Variants in NTRK3 observed in about 807,000 individuals in gnomAD.
NTRK3 encodes the protein NT-3 growth factor receptor.
Under a neutral mutation model 91.7 loss-of-function variants are expected in NTRK3, and 24 were observed. The ratio of observed to expected loss-of-function variants is 0.26; its 90% CI spans 0.19 to 0.37. The LOEUF is 0.37. Ranked by LOEUF, NTRK3 falls within the 10% of genes least tolerant of loss-of-function variation. The pLI, the probability that NTRK3 is intolerant of heterozygous loss-of-function variation, is 1.00. For missense variants in NTRK3, 880 were observed against 1,068.9 expected (o/e 0.82, Z 2.46); for synonymous variants, 483 against 404.0 (o/e 1.20, Z -2.34).
At chr15:88,088,541 A>G (rs1354733389) in intron 13 of NTRK3, among the ~76,000 whole-genome samples, 2 of 152,204 alleles carry the variant, frequency 1.3e-5, no homozygotes, top group African/African-American at 4.8e-5. Flanking sequence ...TTGTAACAGT[A>G]ATGTAATATA....
At chr15:88,060,857 G>C (rs1258526706) in intron 13 of NTRK3, among the ~76,000 whole-genome samples, 1 of 152,064 alleles carries the variant, frequency 6.6e-6, no homozygotes, top group African/African-American at 2.4e-5. Context: ...TTAGCCATTG[G>C]TATCATCTTA....
chr15:87,872,085 G>C (rs751004176), exon 19 of NTRK3: 6 of 221,554 alleles, frequency 2.7e-5, no homozygotes, highest in Non-Finnish European at 5.4e-5. Flanking sequence ...TTCTCTCTAA[G>C]GCAAATGCCC....
intron 13 of NTRK3, among the ~76,000 whole-genome samples, chr15:88,069,874 A>G (rs1168294964): frequency 6.6e-6 from 1 of 152,154 alleles, no homozygotes; most frequent in Non-Finnish European, 1.5e-5. Flanking sequence ...ACAGCCCAGA[A>G]ATACAAGGTG....
intron 17 of NTRK3, among the ~76,000 whole-genome samples, chr15:87,904,553 G>A (rs1260584378): frequency 6.6e-6 from 1 of 152,074 alleles, no homozygotes; most frequent in Non-Finnish European, 1.5e-5. Flanking sequence ...TGTAAAGGAT[G>A]CATCTATGAC....
At chr15:87,994,780 G>A (rs1003065836) in intron 14 of NTRK3, among the ~76,000 whole-genome samples, 3 of 152,192 alleles carry the variant, frequency 2.0e-5, no homozygotes, top group Admixed American at 1.3e-4. Context: ...TTAGGAACAC[G>A]ATGTTGCAGG....
intron 3 of NTRK3, among the ~76,000 whole-genome samples, chr15:88,214,227 G>A (rs1333626925): frequency 1.3e-5 from 2 of 152,176 alleles, no homozygotes; most frequent in African/African-American, 4.8e-5. Flanking sequence ...CTGGAGGCTG[G>A]AAGTCAGAAA....
chr15:87,973,585 C>G (rs1157464346), intron 14 of NTRK3, among the ~76,000 whole-genome samples: 1 of 152,090 alleles, frequency 6.6e-6, no homozygotes, highest in Non-Finnish European at 1.5e-5. Context: ...CCAGAGCTAT[C>G]CAAGGAATCT....
At position 88,123,548 on chromosome 15, in the gene NTRK3, G is replaced by A. The variant is rs57138943; in HGVS notation, c.1396+2723C>T. On this transcript the variant is annotated intron_variant, in intron 13 of 18. Coordinates refer to ENST00000394480, the Ensembl canonical transcript of NTRK3. ...TAAAATAATTGAAGAGATTTATTCC[G>A]AGCCAAATATGAGTGACCAATGGCC... Among the ~76,000 whole-genome samples, 806 of 152,286 alleles carry A rather than the reference G, an allele frequency of 5.3e-3. 8 individuals are homozygous for A. The highest frequency in any genetic ancestry group is 0.019 in the African/African-American group (786 of 41,548).
intron 5 of NTRK3, among the ~76,000 whole-genome samples, chr15:88,178,594 G>A (rs540310528): frequency 6.6e-6 from 1 of 152,200 alleles, no homozygotes; most frequent in Non-Finnish European, 1.5e-5. Context: ...TTTTGGAAAA[G>A]AGCAAGAAAT....
At chr15:88,229,910 C>A (rs1235214232) in intron 3 of NTRK3, among the ~76,000 whole-genome samples, 6 of 152,234 alleles carry the variant, frequency 3.9e-5, no homozygotes, top group Non-Finnish European at 5.9e-5. Flanking sequence ...AAAATCTAAC[C>A]AAGTCACAAT....
intron 13 of NTRK3, among the ~76,000 whole-genome samples, chr15:88,120,191 T>G (rs1230567569): frequency 6.6e-6 from 1 of 152,182 alleles, no homozygotes; most frequent in Non-Finnish European, 1.5e-5. Flanking sequence ...ATAACAAGAA[T>G]GTTCAATGTG....
chr15:87,897,541 C>T (rs1011185916), intron 17 of NTRK3, among the ~76,000 whole-genome samples: 3 of 152,122 alleles, frequency 2.0e-5, no homozygotes, highest in African/African-American at 7.2e-5. Context: ...AGCTGGAGGT[C>T]TCAACCAAGC....
intron 17 of NTRK3, among the ~76,000 whole-genome samples, chr15:87,883,744 T>A (rs1374523882): frequency 6.6e-6 from 1 of 151,186 alleles, no homozygotes; most frequent in Admixed American, 6.6e-5. Flanking sequence ...GTATCAAATA[T>A]AATAAAATAA....
chr15:87,936,899 A>G (rs1390472307), intron 15 of NTRK3, among the ~76,000 whole-genome samples: 1 of 152,132 alleles, frequency 6.6e-6, no homozygotes, highest in African/African-American at 2.4e-5. Flanking sequence ...GTAGTATAAA[A>G]TCCAAACTCC....
chr15:88,176,652 A>G (rs1220746281), intron 5 of NTRK3, among the ~76,000 whole-genome samples: 1 of 152,198 alleles, frequency 6.6e-6, no homozygotes, highest in Non-Finnish European at 1.5e-5. Flanking sequence ...CCTTCTTGTC[A>G]TCCAGAAAAT....
At chr15:88,081,526 G>A (rs530828280) in intron 13 of NTRK3, among the ~76,000 whole-genome samples, 1 of 152,312 alleles carries the variant, frequency 6.6e-6, no homozygotes, top group Non-Finnish European at 1.5e-5. Flanking sequence ...ACAGGCATGG[G>A]CCCTTTCTGG....
At chr15:87,921,208 C>T (rs984561816) in intron 17 of NTRK3, among the ~76,000 whole-genome samples, 3 of 152,088 alleles carry the variant, frequency 2.0e-5, no homozygotes, top group Admixed American at 6.5e-5. Context: ...ATAAATAGGA[C>T]GATGGTTAAA....
At chr15:88,056,493 G>A (rs1046079912) in intron 13 of NTRK3, among the ~76,000 whole-genome samples, 1 of 152,054 alleles carries the variant, frequency 6.6e-6, no homozygotes, top group Non-Finnish European at 1.5e-5. Context: ...CGGGGCCTTC[G>A]TTTCACTTGG....
chr15:87,969,545 T>C (rs1322241793), intron 14 of NTRK3, among the ~76,000 whole-genome samples: 2 of 152,194 alleles, frequency 1.3e-5, no homozygotes, highest in Non-Finnish European at 2.9e-5. Flanking sequence ...TAAACTATCA[T>C]GTGAAGCCAG....
Sources: allele counts gnomAD v4.1 joint callset (sites outside exome capture counted in the v4.1 genomes callset), GRCh38; gene constraint gnomAD v4.1.1; transcripts MANE v1.5; gene names NCBI Gene and HGNC (gene_info 2026-07-23, HGNC 2026-07-21).